SKAP1: variants seen among roughly 807,000 people sequenced by gnomAD.
SKAP1 encodes the protein src kinase-associated phosphoprotein 1.
A neutral mutation model predicts 58.5 loss-of-function variants in SKAP1; 44 were observed. The ratio of observed to expected loss-of-function variants is 0.75; its 90% CI spans 0.59 to 0.97. SKAP1 has a LOEUF of 0.97. Ranked by LOEUF, SKAP1 falls within the 50% of genes least tolerant of loss-of-function variation. SKAP1 has a pLI of 0.00. For missense variants in SKAP1, 390 were observed against 435.2 expected (o/e 0.90, Z 0.92); for synonymous variants, 127 against 149.7 (o/e 0.85, Z 1.11).
At chr17:48,332,497 T>C (rs890360360) in intron 4 of SKAP1, among the ~76,000 whole-genome samples, 4 of 151,894 alleles carry the variant, frequency 2.6e-5, no homozygotes, top group African/African-American at 9.7e-5. Context: ...TTTAAAAGGA[T>C]AGTAAAAGTT....
chr17:48,224,071 G>GAGA (rs1567827458), intron 4 of SKAP1, among the ~76,000 whole-genome samples: 12 of 40,772 alleles, frequency 2.9e-4, no homozygotes, highest in African/African-American at 7.8e-4. Context: ...GGAGGAGAAG[G>GAGA]AGGAGGAGGA....
chr17:48,153,680 A>G (rs1298177867), intron 11 of SKAP1, among the ~76,000 whole-genome samples: 1 of 152,030 alleles, frequency 6.6e-6, no homozygotes, highest in Non-Finnish European at 1.5e-5. Context: ...GAGGTGCATA[A>G]TAGCTCTTTG....
At chr17:48,285,467 T>C (rs2065818604) in intron 4 of SKAP1, among the ~76,000 whole-genome samples, 1 of 152,070 alleles carries the variant, frequency 6.6e-6, no homozygotes, top group Non-Finnish European at 1.5e-5. Context: ...ATACAAAAAT[T>C]AGCCGGGCAT....
At chr17:48,269,121 C>T (rs1204316893) in intron 4 of SKAP1, among the ~76,000 whole-genome samples, 1 of 151,912 alleles carries the variant, frequency 6.6e-6, no homozygotes, top group Non-Finnish European at 1.5e-5. Flanking sequence ...TAATTTGGAA[C>T]AAGATCAATT....
chr17:48,324,539 G>A (rs958800911), intron 4 of SKAP1, among the ~76,000 whole-genome samples: 3 of 151,978 alleles, frequency 2.0e-5, no homozygotes, highest in African/African-American at 7.2e-5. Context: ...CTCACTGTAT[G>A]TACTGTCTTA....
chr17:48,135,622 C>A (rs768885430), intron 12 of SKAP1, among the ~76,000 whole-genome samples: 2 of 152,034 alleles, frequency 1.3e-5, no homozygotes, highest in Non-Finnish European at 2.9e-5. Context: ...GGCCTACAGA[C>A]GTGCACCACC....
intron 1 of SKAP1, among the ~76,000 whole-genome samples, chr17:48,404,127 A>G (rs553242130): frequency 6.6e-6 from 1 of 150,848 alleles, no homozygotes; most frequent in East Asian, 2.0e-4. Flanking sequence ...TGTGGTCTAC[A>G]TGGTTTAAAA....
chr17:48,167,518 C>G (rs1270663358), intron 10 of SKAP1, among the ~76,000 whole-genome samples: 1 of 152,118 alleles, frequency 6.6e-6, no homozygotes, highest in Non-Finnish European at 1.5e-5. Flanking sequence ...ACTCTATTGG[C>G]GCGCACTAAA....
chr17:48,313,797 T>C (rs927781023), intron 4 of SKAP1, among the ~76,000 whole-genome samples: 5 of 152,130 alleles, frequency 3.3e-5, no homozygotes, highest in African/African-American at 1.2e-4. Flanking sequence ...GCAATATCAA[T>C]AGAGTTAGTA....
chr17:48,171,498 T>G (rs2064215498), intron 9 of SKAP1, among the ~76,000 whole-genome samples: 2 of 152,184 alleles, frequency 1.3e-5, no homozygotes, highest in South Asian at 4.1e-4. Flanking sequence ...CATGTTGAAG[T>G]GCTCATTACA....
chr17:48,165,313 C>T (rs928292472), intron 10 of SKAP1, among the ~76,000 whole-genome samples: 4 of 152,132 alleles, frequency 2.6e-5, no homozygotes, highest in Non-Finnish European at 4.4e-5. Flanking sequence ...AGTCCAGCTT[C>T]TCCCTAAACC....
At chr17:48,385,818 A>G (rs2067268362) in intron 2 of SKAP1, among the ~76,000 whole-genome samples, 1 of 152,198 alleles carries the variant, frequency 6.6e-6, no homozygotes, top group South Asian at 2.1e-4. Context: ...CAGGACGTAG[A>G]TTCTAGGGAA....
At chr17:48,180,832 G>C (rs1194612558) in intron 8 of SKAP1, among the ~76,000 whole-genome samples, 1 of 152,228 alleles carries the variant, frequency 6.6e-6, no homozygotes, top group African/African-American at 2.4e-5. Context: ...AAATGGAATG[G>C]CTGAACAATG....
At chr17:48,217,992 A>T (rs1307890406) in intron 4 of SKAP1, among the ~76,000 whole-genome samples, 1 of 152,214 alleles carries the variant, frequency 6.6e-6, no homozygotes, top group Non-Finnish European at 1.5e-5. Context: ...GGTCATTTGT[A>T]TGAGATATTG....
intron 4 of SKAP1, among the ~76,000 whole-genome samples, chr17:48,332,768 T>A (rs1177647663): frequency 2.6e-5 from 4 of 152,294 alleles, no homozygotes; most frequent in Non-Finnish European, 2.9e-5. Flanking sequence ...TTTAGGGTTT[T>A]AAAAAAATTC....
chr17:48,338,786 A>G (rs1416915017), intron 4 of SKAP1, among the ~76,000 whole-genome samples: 1 of 152,228 alleles, frequency 6.6e-6, no homozygotes, highest in Non-Finnish European at 1.5e-5. Flanking sequence ...AAACATGTAT[A>G]ATCCTTGGTA....
chr17:48,332,729 T>G (rs186702509), intron 4 of SKAP1, among the ~76,000 whole-genome samples: 3 of 152,106 alleles, frequency 2.0e-5, no homozygotes, highest in Admixed American at 6.6e-5. Flanking sequence ...GCTGAAAGAA[T>G]TGAGGGAAAA....
intron 4 of SKAP1, among the ~76,000 whole-genome samples, chr17:48,297,064 C>A (rs1442557676): frequency 6.6e-6 from 1 of 152,148 alleles, no homozygotes; most frequent in African/African-American, 2.4e-5. Context: ...TCCTTATAGA[C>A]ACTCCTTTTG....
At chr17:48,157,382 CCT>C (rs1325472797) in intron 11 of SKAP1, among the ~76,000 whole-genome samples, 2 of 151,490 alleles carry the variant, frequency 1.3e-5, no homozygotes, top group Non-Finnish European at 2.9e-5. Context: ...ATTACAGGTA[CCT>C]GCCACCACAC....
Sources: allele counts gnomAD v4.1 joint callset (sites outside exome capture counted in the v4.1 genomes callset), GRCh38; gene constraint gnomAD v4.1.1; transcripts MANE v1.5; gene names NCBI Gene and HGNC (gene_info 2026-07-23, HGNC 2026-07-21).